FAT3: variants seen among roughly 807,000 people sequenced by gnomAD.
FAT3 encodes the protein protocadherin Fat 3.
A neutral mutation model predicts 310.2 loss-of-function variants in FAT3; 95 were observed. The observed-to-expected ratio is 0.31, with a 90% confidence interval of 0.26 to 0.36. FAT3 has a LOEUF of 0.36. Among genes scored for constraint, FAT3 ranks in the 10% least tolerant of loss-of-function variants. The pLI, the probability that FAT3 is intolerant of heterozygous loss-of-function variation, is 1.00. For synonymous variants in FAT3, 2,314 were observed against 2,192.9 expected, an observed-to-expected ratio of 1.06 and a Z score of -1.54; for missense variants, 5,408 against 5,715.6, an observed-to-expected ratio of 0.95 and a Z score of 1.74.
At chr11:92,468,097 A>G (rs973451784) in intron 2 of FAT3, among the ~76,000 whole-genome samples, 11 of 152,212 alleles carry the variant, frequency 7.2e-5, no homozygotes, top group African/African-American at 1.2e-4. Flanking sequence ...GCTGAGTACA[A>G]TAGCCTCACT....
Position 92,836,650 on chromosome 11 carries a change from G to A in FAT3, c.10171G>A (p.Val3391Ile), listed in dbSNP as rs1026068740. Residue 3391 changes from valine (V) to isoleucine (I), a missense_variant, in exon 16 of 28, where the codon GTA becomes ATA. By Grantham distance (29) the Val-to-Ile change is conservative. Around this residue, in one of 5 missense-constraint regions of FAT3, gnomAD observed 4,588 missense variants for 4,809.8 expected, o/e 0.95. Coordinates refer to ENST00000525166, the MANE Select transcript of FAT3 (RefSeq NM_001367949.2). The stretch of plus-strand genomic sequence containing the variant: ...TGGAGATCGGGACAATGAATTTACT[G>A]TAGATCCTGTCTTGGGACTTGTGAA... ...VNGDRDNEFT[V>I]DPVLGLVKVK... The A allele has an allele frequency of 6.2e-7, 1 of 1,613,750 alleles. No individual in the cohort carries two copies. The highest frequency in any genetic ancestry group is 1.1e-5 in the South Asian group (1 of 91,018).
chr11:92,444,893 C>T, intron 2 of FAT3, among the ~76,000 whole-genome samples: 1 of 152,128 alleles, frequency 6.6e-6, no homozygotes, highest in East Asian at 1.9e-4. Context: ...AAAGTTCTGT[C>T]ATTTTGATGG....
At chr11:92,821,569 C>G (rs1271972742) in intron 13 of FAT3, among the ~76,000 whole-genome samples, 1 of 152,174 alleles carries the variant, frequency 6.6e-6, no homozygotes, top group African/African-American at 2.4e-5. Context: ...AAACATAAGT[C>G]ATTTTCTGGA....
At chr11:92,489,765 C>G (rs904654739) in intron 2 of FAT3, among the ~76,000 whole-genome samples, 1 of 152,020 alleles carries the variant, frequency 6.6e-6, no homozygotes, top group African/African-American at 2.4e-5. Context: ...TACTGTTTGT[C>G]GGGCTGGACG....
At chr11:92,823,111 T>A (rs1948013477) in intron 13 of FAT3, among the ~76,000 whole-genome samples, 1 of 152,142 alleles carries the variant, frequency 6.6e-6, no homozygotes, top group South Asian at 2.1e-4. Flanking sequence ...GTGGGAGCCA[T>A]CCTTCTTTGT....
intron 3 of FAT3, among the ~76,000 whole-genome samples, chr11:92,567,898 G>A (rs1204233134): frequency 6.7e-6 from 1 of 149,278 alleles, no homozygotes; most frequent in Middle Eastern, 3.2e-3. Context: ...TTGTGGGGTT[G>A]GGGGAGGGGG....
chr11:92,691,536 T>C (rs1483385964), intron 3 of FAT3, among the ~76,000 whole-genome samples: 1 of 152,040 alleles, frequency 6.6e-6, no homozygotes, highest in Non-Finnish European at 1.5e-5. Flanking sequence ...GCTGGAACTA[T>C]AGGTGCCTGT....
chr11:92,866,664 C>A, intron 21 of FAT3, 77 bp from the exon 22 acceptor site: 3 of 1,335,186 alleles, frequency 2.2e-6, no homozygotes, highest in Non-Finnish European at 1.0e-6. Context: ...AGCCCCCGGG[C>A]CGGCCAGGAG....
chr11:92,580,464 G>A (rs2135529993), intron 3 of FAT3, among the ~76,000 whole-genome samples: 1 of 152,180 alleles, frequency 6.6e-6, no homozygotes, highest in South Asian at 2.1e-4. Flanking sequence ...TGGTAAGATA[G>A]TTTCCCACCT....
At chr11:92,257,986 A>G (rs774504470) in intron 1 of FAT3, among the ~76,000 whole-genome samples, 7 of 152,134 alleles carry the variant, frequency 4.6e-5, no homozygotes, top group Non-Finnish European at 1.0e-4. Context: ...TATTGGTACC[A>G]AGAACATGAA....
chr11:92,867,294 G>T, intron 22 of FAT3, 85 bp downstream of exon 22: 1 of 1,329,060 alleles, frequency 7.5e-7, no homozygotes, highest in Non-Finnish European at 1.0e-6. Flanking sequence ...CCCTCCCAAC[G>T]CAAGGACTCT....
chr11:92,452,861 C>T (rs1164387438), intron 2 of FAT3, among the ~76,000 whole-genome samples: 4 of 152,142 alleles, frequency 2.6e-5, no homozygotes, highest in African/African-American at 7.2e-5. Flanking sequence ...CTTCTCCCCA[C>T]AACCTGGTCT....
In FAT3 at chr11:92,874,996, T is replaced by C. The variant is rs537712292; in HGVS notation, c.12128-5735T>C. 6.6e-5 allele frequency among the ~76,000 whole-genome samples: 10 copies of C among 152,208 alleles called. No homozygotes were observed. The East Asian group carries it at 1.7e-3, about 27-fold the overall frequency. ...AAAGCATTAGATTACTTAGTATCATTATGGCTACTAATGAATGATAATAAT... is the reference window on the plus strand; with the variant it reads ...AAAGCATTAGATTACTTAGTATCATCATGGCTACTAATGAATGATAATAAT... On this transcript the variant is annotated intron_variant, in intron 22 of 27. Coordinates refer to ENST00000525166, the MANE Select transcript of FAT3 (RefSeq NM_001367949.2).
chr11:92,354,092 T>G lies in FAT3; in HGVS notation c.1980T>G (p.Asn660Lys), dbSNP rs781067208. 2.5e-6 allele frequency: 4 copies of G among 1,613,586 alleles called. No homozygotes were observed. The highest frequency in any genetic ancestry group is 3.4e-6 in the Non-Finnish European group (4 of 1,179,796). The change falls in exon 2 of 28, where the codon AAT (asparagine) becomes AAG (lysine). Residue 660 changes from asparagine (N) to lysine (K), a missense_variant. By Grantham distance (94) the Asn-to-Lys change is moderately conservative (BLOSUM62 0). Transcript: ENST00000525166. Reference protein sequence around the residue: ...ALRITATDGENLADPMSINIS... With the variant: ...ALRITATDGEKLADPMSINIS... The stretch of plus-strand genomic sequence containing the variant: ...GAATTACAGCAACTGATGGAGAGAA[T>G]CTTGCAGACCCCATGTCTATTAACA...
At chr11:92,669,678 G>T (rs1943071030) in intron 3 of FAT3, among the ~76,000 whole-genome samples, 1 of 152,168 alleles carries the variant, frequency 6.6e-6, no homozygotes, top group Non-Finnish European at 1.5e-5. Context: ...AGGTGGGGTG[G>T]TAATTAACAG....
intron 3 of FAT3, among the ~76,000 whole-genome samples, chr11:92,539,793 A>G (rs1255091640): frequency 2.6e-5 from 4 of 152,172 alleles, no homozygotes; most frequent in Admixed American, 6.5e-5. Flanking sequence ...AAAAAAGATT[A>G]TATTTCTGGA....
At chr11:92,323,819 T>G (rs573528388) in intron 1 of FAT3, among the ~76,000 whole-genome samples, 67 of 152,342 alleles carry the variant, frequency 4.4e-4, no homozygotes, top group Admixed American at 1.0e-3. Flanking sequence ...TAGCTTGTCT[T>G]TTGAAGCTTT....
intron 1 of FAT3, among the ~76,000 whole-genome samples, chr11:92,346,573 T>A (rs911881963): frequency 6.6e-6 from 1 of 152,186 alleles, no homozygotes; most frequent in Non-Finnish European, 1.5e-5. Flanking sequence ...TTGTTTTGTA[T>A]CCCTGCTTCT....
intron 2 of FAT3, among the ~76,000 whole-genome samples, chr11:92,447,581 G>T (rs1646505905): frequency 6.6e-6 from 1 of 152,070 alleles, no homozygotes; most frequent in Admixed American, 6.5e-5. Flanking sequence ...TACAAAGTAA[G>T]GTAACACCTG....
Sources: gnomAD v4.1 joint callset for allele counts (sites outside exome capture counted in the v4.1 genomes callset) on GRCh38, gnomAD v4.1.1 for gene constraint, gnomAD v4.1.1 regional missense constraint, MANE v1.5 for transcripts, NCBI Gene and HGNC (gene_info 2026-07-23, HGNC 2026-07-21) for gene names.